The following KCNB2 variants were observed in gnomAD, a reference collection of about 807,000 sequenced individuals.
KCNB2 encodes delayed rectifier potassium channel protein.
Under a neutral mutation model 61.5 loss-of-function variants are expected in KCNB2, and 15 were observed. The ratio of observed to expected loss-of-function variants is 0.24; its 90% CI spans 0.16 to 0.38. The LOEUF (loss-of-function observed/expected upper bound fraction) is 0.38. Ranked by LOEUF, KCNB2 falls within the 10% of genes least tolerant of loss-of-function variation. KCNB2 has a pLI of 1.00. For missense variants in KCNB2, 828 were observed against 1,125.2 expected (o/e 0.74, Z 3.78); for synonymous variants, 457 against 446.0 (o/e 1.02, Z -0.31).
chr8:72,859,675 C>G (rs965902330), intron 2 of KCNB2, among the ~76,000 whole-genome samples: 11 of 145,378 alleles, frequency 7.6e-5, no homozygotes, highest in African/African-American at 2.8e-4. Flanking sequence ...CAAGATTCAT[C>G]CACATTGTAG....
At chr8:72,646,714 T>A (rs1806134828) in intron 2 of KCNB2, among the ~76,000 whole-genome samples, 1 of 152,042 alleles carries the variant, frequency 6.6e-6, no homozygotes, top group Admixed American at 6.6e-5. Flanking sequence ...ATGGCGGGTA[T>A]CAAGGGCTAG....
intron 2 of KCNB2, among the ~76,000 whole-genome samples, chr8:72,718,053 A>T (rs1015994774): frequency 6.6e-5 from 10 of 152,108 alleles, no homozygotes; most frequent in African/African-American, 2.4e-4. Context: ...GCCAAAAAAC[A>T]CATGAAAAAA....
rs147239924 is a variant in KCNB2, at chr8:72,882,520, T to TGAGAGAGAGAGAGAGAGAGAGAGA, written c.580-53402_580-53379dup. ...TTTGACCATGCCAACTGCTGACAGT[T>TGAGAGAGAGAGAGAGAGAGAGAGA]GAGAGAGAGAGAGAGAGAGAGAGAG... On this transcript the variant is annotated intron_variant, in intron 2 of 2. Coordinates refer to ENST00000523207, the MANE Select transcript of KCNB2 (RefSeq NM_004770.3). 1.3e-3 allele frequency among the ~76,000 whole-genome samples: 152 copies of TGAGAGAGAGAGAGAGAGAGAGAGA among 115,402 alleles called. 2 individuals are homozygous for TGAGAGAGAGAGAGAGAGAGAGAGA. The highest frequency in any genetic ancestry group is 1.9e-3 in the Non-Finnish European group (104 of 54,276). The allele number at this position is 115,402 out of a possible 152,430, so 75.7% of individuals were successfully genotyped here. A position where few individuals can be genotyped will look rare whatever the true frequency, so the allele number is the denominator to read the frequency against.
At chr8:72,849,568 C>A (rs1172745294) in intron 2 of KCNB2, among the ~76,000 whole-genome samples, 6 of 152,126 alleles carry the variant, frequency 3.9e-5, no homozygotes, top group Admixed American at 1.3e-4. Flanking sequence ...TTTTAATCTG[C>A]CAATCATCAC....
intron 2 of KCNB2, among the ~76,000 whole-genome samples, chr8:72,648,083 G>T (rs1806159011): frequency 6.6e-6 from 1 of 152,232 alleles, no homozygotes; most frequent in East Asian, 1.9e-4. Flanking sequence ...AAGGGGGCTG[G>T]ATCATCCCAG....
Position 72,902,324 on chromosome 8 carries a change from G to A in KCNB2, c.580-33611G>A, listed in dbSNP as rs757722815. Reference sequence around the variant, plus strand: ...TGAAGAGCCAAAGATAGGTGTTGTGGATGGAGAGTGAAGGGAAAGCCAGAG... The same window carrying A: ...TGAAGAGCCAAAGATAGGTGTTGTGAATGGAGAGTGAAGGGAAAGCCAGAG... On this transcript the variant is annotated intron_variant, in intron 2 of 2. Coordinates refer to ENST00000523207, the MANE Select transcript of KCNB2 (RefSeq NM_004770.3). 2.1e-4 allele frequency among the ~76,000 whole-genome samples: 32 copies of A among 152,178 alleles called. 1 individual carries two copies. The highest frequency in any genetic ancestry group is 6.5e-5 in the Admixed American group (1 of 15,270).
rs546876011 is a variant in KCNB2 at position 72,930,262 on chromosome 8, G to A, written c.580-5673G>A. Among the ~76,000 whole-genome samples, 16 of 151,788 alleles carry A rather than the reference G, an allele frequency of 1.1e-4. No homozygotes were observed. In the South Asian group the frequency reaches 1.3e-3, roughly 12 times the overall value. On this transcript the variant is annotated intron_variant, in intron 2 of 2. Transcript: ENST00000523207. ...GTGAATAGTGCCACAATAAACATAC[G>A]TGTGCATGTGTCTTTATAGCAGCAT...
chr8:72,540,612 T>G (rs1401576517), intron 1 of KCNB2, among the ~76,000 whole-genome samples: 1 of 152,088 alleles, frequency 6.6e-6, no homozygotes, highest in African/African-American at 2.4e-5. Context: ...TTTAGTCACA[T>G]TCTACAAGTA....
At chr8:72,774,149 C>T (rs2958415) in intron 2 of KCNB2, among the ~76,000 whole-genome samples, 17,018 of 152,080 alleles carry the variant, frequency 0.11, 1,401 homozygotes, top group East Asian at 0.49. Flanking sequence ...CAGAAAGTAA[C>T]TTGCCTATGA....
chr8:72,911,441 A>C (rs1275251930), intron 2 of KCNB2, among the ~76,000 whole-genome samples: 2 of 152,256 alleles, frequency 1.3e-5, no homozygotes, highest in African/African-American at 4.8e-5. Flanking sequence ...GCAGGGGCAC[A>C]CACCATTCAA....
At chr8:72,888,732 T>A (rs1805847578) in intron 2 of KCNB2, among the ~76,000 whole-genome samples, 1 of 152,232 alleles carries the variant, frequency 6.6e-6, no homozygotes, top group Non-Finnish European at 1.5e-5. Flanking sequence ...AGTAAAACTA[T>A]GGGATATAGA....
At chr8:72,807,882 G>A (rs1337665736) in intron 2 of KCNB2, among the ~76,000 whole-genome samples, 1 of 152,136 alleles carries the variant, frequency 6.6e-6, no homozygotes, top group African/African-American at 2.4e-5. Context: ...GTTAGTAAGT[G>A]ACATACTAAT....
chr8:72,663,488 G>T (rs901236862), intron 2 of KCNB2, among the ~76,000 whole-genome samples: 1 of 152,182 alleles, frequency 6.6e-6, no homozygotes, highest in African/African-American at 2.4e-5. Context: ...CATGCTGGGT[G>T]TTGGGGTAGA....
intron 2 of KCNB2, among the ~76,000 whole-genome samples, chr8:72,904,229 TACA>T (rs1221392351): frequency 2.6e-5 from 4 of 152,206 alleles, no homozygotes; most frequent in African/African-American, 9.6e-5. Context: ...GATGCATAGC[TACA>T]TGATTTTTAA....
In KCNB2 at chr8:72,831,434, G is replaced by A. The variant is rs138262157; in HGVS notation, c.580-104501G>A. Among the ~76,000 whole-genome samples the A allele has an allele frequency of 4.6e-3, 700 of 152,248 alleles. 7 individuals carry two copies. Among genetic ancestry groups the A allele is most frequent in the African/African-American group, 0.016 (657 of 41,536 alleles). On this transcript the variant is annotated intron_variant, in intron 2 of 2. Coordinates refer to ENST00000523207, the MANE Select transcript of KCNB2 (RefSeq NM_004770.3). ...GGTTATAAAAGATTAAGAAAAGAGA[G>A]TGTAAAACTCTAGAAGGACTGTAGA...
intron 2 of KCNB2, among the ~76,000 whole-genome samples, chr8:72,691,487 G>GT (rs1018240790): frequency 3.3e-5 from 5 of 152,062 alleles, no homozygotes; most frequent in Admixed American, 6.6e-5. Flanking sequence ...GTAACTGGTA[G>GT]TTTTTTTTCA....
intron 2 of KCNB2, among the ~76,000 whole-genome samples, chr8:72,577,482 C>G (rs1208472173): frequency 6.6e-6 from 1 of 152,186 alleles, no homozygotes; most frequent in East Asian, 1.9e-4. Flanking sequence ...ATAAGACAGT[C>G]AGCCCATTCA....
At chr8:72,583,465 C>CAA (rs78419479) in intron 2 of KCNB2, among the ~76,000 whole-genome samples, 1 of 143,258 alleles carries the variant, frequency 7.0e-6, no homozygotes, top group African/African-American at 2.5e-5. Flanking sequence ...AATTCTGTGG[C>CAA]AAAAAAAAAA....
intron 2 of KCNB2, among the ~76,000 whole-genome samples, chr8:72,925,741 G>C (rs1806628230): frequency 6.6e-6 from 1 of 152,108 alleles, no homozygotes; most frequent in Non-Finnish European, 1.5e-5. Flanking sequence ...CCCATTACTG[G>C]GTTTATACGC....
Sources: allele counts gnomAD v4.1 joint callset (sites outside exome capture counted in the v4.1 genomes callset), GRCh38; gene constraint gnomAD v4.1.1; transcripts MANE v1.5; gene names NCBI Gene and HGNC (gene_info 2026-07-23, HGNC 2026-07-21).